The following PLXNB2 variants were observed in gnomAD, a reference collection of about 807,000 sequenced individuals.
The protein encoded by PLXNB2 is plexin-B2.
Under a neutral mutation model 202.6 loss-of-function variants are expected in PLXNB2, and 85 were observed. That is an observed-to-expected ratio of 0.42 (90% CI 0.35 to 0.50). The LOEUF (loss-of-function observed/expected upper bound fraction) is 0.50, where lower values mean the gene tolerates loss of function less well. Ranked by LOEUF, PLXNB2 falls within the 20% of genes least tolerant of loss-of-function variation. The probability of loss-of-function intolerance (pLI) is 0.02; values close to 1 mark genes in which losing one functional copy is unlikely to be tolerated. For synonymous variants in PLXNB2, 1,239 were observed against 1,137.6 expected, an observed-to-expected ratio of 1.09 and a Z score of -1.79; for missense variants, 2,063 against 2,586.2, an observed-to-expected ratio of 0.80 and a Z score of 4.39.
At chr22:50,281,002 T>C (rs1369941722) in intron 23 of PLXNB2, 29 bp from the exon 24 acceptor site, 7 of 1,605,918 alleles carry the variant, frequency 4.4e-6, no homozygotes, top group Non-Finnish European at 6.0e-6. Context: ...GAGACGTCCC[T>C]GGCCACGTGG....
Position 50,290,193 on chromosome 22 carries a change from C to A in PLXNB2, c.392G>T (p.Arg131Leu), listed in dbSNP as rs368491965. The change falls in exon 3 of 37, where the codon CGC becomes CTC. Residue 131 changes from arginine to leucine, a missense_variant. Transcript: ENST00000359337. Reference protein sequence around the residue: ...ALRALSNISLRLFYEDGSGEK... With the variant: ...ALRALSNISLLLFYEDGSGEK... Reference sequence around the variant, plus strand: ...CCCGCTGCCGTCCTCGTAGAACAGGCGGAGGGAGATGTTGCTCAGGGCGCG... The same window carrying A: ...CCCGCTGCCGTCCTCGTAGAACAGGAGGAGGGAGATGTTGCTCAGGGCGCG... 1.1e-5 allele frequency: 17 copies of A among 1,612,602 alleles called. No individual in the cohort carries two copies. The highest frequency in any genetic ancestry group is 1.4e-5 in the Non-Finnish European group (16 of 1,179,996).
chr22:50,294,880 C>T, intron 1 of PLXNB2, 102 bp from the exon 2 acceptor site: 1 of 472,632 alleles, frequency 2.1e-6, no homozygotes, highest in South Asian at 8.7e-5. Context: ...AAGAAACATC[C>T]CACAGGACCC....
At chr22:50,276,292 G>A (rs1276060898) in intron 35 of PLXNB2, among the ~76,000 whole-genome samples, 4 of 149,610 alleles carry the variant, frequency 2.7e-5, no homozygotes, top group Non-Finnish European at 4.5e-5. Flanking sequence ...GCAGGGAGGG[G>A]GCGCTGTGGA....
chr22:50,282,977 G>C (rs931558280), intron 17 of PLXNB2, 73 bp downstream of exon 17: 14 of 1,567,762 alleles, frequency 8.9e-6, no homozygotes, highest in Non-Finnish European at 1.1e-5. Context: ...GGGCCACTCA[G>C]GTCTCAGTAA....
chr22:50,276,037 C>T (rs537976056), intron 35 of PLXNB2, 74 bp from the exon 36 acceptor site: 40 of 1,430,268 alleles, frequency 2.8e-5, no homozygotes, highest in East Asian at 2.3e-4. Flanking sequence ...TAGTACGGGA[C>T]GCCCAGGACG....
Position 50,284,706 on chromosome 22 carries a change from G to C in PLXNB2, c.2089-41C>G. On this transcript the variant is annotated intron_variant, in intron 11 of 36. Coordinates refer to ENST00000359337, the MANE Select transcript of PLXNB2 (RefSeq NM_012401.4). The surrounding 1 kb of genome is among the most constrained non-coding windows in gnomAD (Gnocchi z 8.0). Reference sequence around the variant, plus strand: ...TCAGGACCCTGGACAGGCGGCTGTGGCACCCTGGCCCTCCTCCCAGAACCC... The same window carrying C: ...TCAGGACCCTGGACAGGCGGCTGTGCCACCCTGGCCCTCCTCCCAGAACCC... 1.3e-6 allele frequency: 2 copies of C among 1,504,930 alleles called. No homozygotes were observed. The highest frequency in any genetic ancestry group is 1.8e-6 in the Non-Finnish European group (2 of 1,082,268). The allele number at this position is 1,504,930 out of a possible 1,614,324, so 93.2% of individuals were successfully genotyped here. A position where few individuals can be genotyped will look rare whatever the true frequency, so the allele number is the denominator to read the frequency against.
At chr22:50,300,225 G>A in intron 1 of PLXNB2, 1 of 967,486 alleles carries the variant, frequency 1.0e-6, no homozygotes, top group Middle Eastern at 5.3e-4. Flanking sequence ...CAATGACGGC[G>A]GCGGCGACAG....
chr22:50,296,034 G>A (rs530564141), intron 1 of PLXNB2, among the ~76,000 whole-genome samples: 1 of 152,190 alleles, frequency 6.6e-6, no homozygotes, highest in South Asian at 2.1e-4. Flanking sequence ...CCTGGGAGGT[G>A]GAGGTTGCAG....
In PLXNB2 at chr22:50,289,218, G is replaced by C; in HGVS notation, c.1069-76C>G. The C allele has an allele frequency of 7.6e-7, 1 of 1,312,308 alleles. No homozygotes were observed. Among genetic ancestry groups the C allele is most frequent in the Non-Finnish European group, 1.0e-6 (1 of 977,548 alleles). 81.3% of individuals were successfully genotyped at this position (1,312,308 alleles called of 1,614,324 possible). ...CCTCTCCACTCGCGCTCCAAGACTC[G>C]GGACAGGCCCTTCCCTTCCCTCCGG... On this transcript the variant is annotated intron_variant, in intron 3 of 36. Transcript: ENST00000359337. The surrounding 1 kb of genome is among the most constrained non-coding windows in gnomAD (Gnocchi z 8.0).
intron 18 of PLXNB2, 114 bp from the exon 19 acceptor site, chr22:50,282,427 G>T: frequency 8.8e-7 from 1 of 1,131,486 alleles, no homozygotes; most frequent in Non-Finnish European, 1.2e-6. Flanking sequence ...AGGTGCATGT[G>T]TGGGTCTCGG....
chr22:50,275,738 G>T lies in PLXNB2; in HGVS notation c.5483C>A (p.Ala1828Asp). Residue 1828 changes from alanine (A) to aspartate (D), a missense_variant, in exon 37 of 37, where the codon GCC becomes GAC. By Grantham distance (126) the Ala-to-Asp change is moderately radical. Transcript: ENST00000359337. ...MQLAFRLQQIAAALENKVTDL is the reference protein window; with the variant it reads ...MQLAFRLQQIDAALENKVTDL ...AGTGACCTTGTTCTCCAGTGCAGCG[G>T]CAATCTGCTGCAGGCGGAAGGCCAG... 2 of 1,611,450 alleles carry T rather than the reference G, an allele frequency of 1.2e-6. No individual in the cohort carries two copies. The highest frequency in any genetic ancestry group is 1.7e-6 in the Non-Finnish European group (2 of 1,179,122).
intron 2 of PLXNB2, among the ~76,000 whole-genome samples, chr22:50,294,416 A>C (rs962774091): frequency 3.4e-5 from 5 of 147,084 alleles, no homozygotes; most frequent in African/African-American, 1.3e-4. Context: ...TCCAATTCCC[A>C]GCCCTGATGT....
At position 50,285,899 on chromosome 22, in the gene PLXNB2, C is replaced by T. The variant is rs1454319136; in HGVS notation, c.1989G>A (p.Glu663=). ...PEDGIVRAHM[E]DSCPQFLGPS... ...GTCCCAGGAACTGGGGACAGCTGTC[C>T]TCCTGGGAGAGTAAGGCTGGTCAGG... is the stretch of plus-strand genomic sequence containing the variant. Residue 663 remains glutamate, a splice_region_variant and synonymous_variant, in exon 11 of 37, where the codon GAG becomes GAA. Coordinates refer to ENST00000359337, the MANE Select transcript of PLXNB2 (RefSeq NM_012401.4). 6.2e-7 allele frequency: 1 copy of T among 1,612,082 alleles called. No homozygotes were observed. Among genetic ancestry groups the T allele is most frequent in the Non-Finnish European group, 8.5e-7 (1 of 1,179,310 alleles).
chr22:50,278,723 G>C lies in PLXNB2; in HGVS notation c.4547-27C>G, dbSNP rs1180692482. ...TGTGGGAAGAGACAGCCCAGCTTGGGCCCCAGCCACCCAGGTTCCTCCCAC... is the reference window on the plus strand; with the variant it reads ...TGTGGGAAGAGACAGCCCAGCTTGGCCCCCAGCCACCCAGGTTCCTCCCAC... On this transcript the variant is annotated intron_variant, in intron 28 of 36. Coordinates refer to ENST00000359337, the MANE Select transcript of PLXNB2 (RefSeq NM_012401.4). The C allele has an allele frequency of 1.9e-6, 3 of 1,596,934 alleles. No individual in the cohort carries two copies. The African/African-American group carries it at 4.0e-5, about 21-fold the overall frequency.
Position 50,290,269 on chromosome 22 carries a change from T to C in PLXNB2, c.316A>G (p.Arg106Gly). The C allele has an allele frequency of 1.2e-6, 2 of 1,611,820 alleles. No homozygotes were observed. Among genetic ancestry groups the C allele is most frequent in the Non-Finnish European group, 8.5e-7 (1 of 1,180,024 alleles). Residue 106 changes from arginine to glycine, a missense_variant, in exon 3 of 37, where the codon AGG (arginine) becomes GGG (glycine). Around this residue, in one of 2 missense-constraint regions of PLXNB2, gnomAD observed 1,303 missense variants for 1,476.8 expected, o/e 0.88. Coordinates refer to ENST00000359337, the MANE Select transcript of PLXNB2 (RefSeq NM_012401.4). ...VNQLLLLDPP[R>G]KRLVECGSLF... ...CTGCCGCACTCCACCAGGCGCTTCC[T>C]GGGAGGGTCGAGCAGCAGCAGCTGG...
chr22:50,284,946 G>A lies in PLXNB2; in HGVS notation c.2089-281C>T. Reference sequence around the variant, plus strand: ...CATCGCCCGGCCCACCTGACATCGTGGCCCCCACAGCTCCCTCCTCAGGAG... The same window carrying A: ...CATCGCCCGGCCCACCTGACATCGTAGCCCCCACAGCTCCCTCCTCAGGAG... On this transcript the variant is annotated intron_variant, in intron 11 of 36. Transcript: ENST00000359337. This position sits in a 1 kb window ranked among gnomAD's most constrained non-coding sequence, Gnocchi z 8.0. 1.8e-6 allele frequency: 1 copy of A among 561,730 alleles called. No individual in the cohort carries two copies. The highest frequency in any genetic ancestry group is 1.6e-5 in the South Asian group (1 of 63,190). The allele number at this position is 561,730 out of a possible 1,614,324, so 34.8% of individuals were successfully genotyped here. A position where few individuals can be genotyped will look rare whatever the true frequency, so the allele number is the denominator to read the frequency against.
intron 15 of PLXNB2, 68 bp downstream of exon 15, chr22:50,283,534 A>G: frequency 7.9e-6 from 5 of 632,846 alleles, no homozygotes; most frequent in Non-Finnish European, 1.1e-5. Context: ...CCACCCACCC[A>G]GTCACCCGGA....
In PLXNB2 at chr22:50,291,407, C is replaced by T. The variant is rs540718649; in HGVS notation, c.-13-810G>A. 1.5e-4 allele frequency among the ~76,000 whole-genome samples: 23 copies of T among 152,016 alleles called. No homozygotes were observed. The highest frequency in any genetic ancestry group is 5.1e-4 in the African/African-American group (21 of 41,432). On this transcript the variant is annotated intron_variant, in intron 2 of 36. Coordinates refer to ENST00000359337, the MANE Select transcript of PLXNB2 (RefSeq NM_012401.4). This position sits in a 1 kb window ranked among gnomAD's most constrained non-coding sequence, Gnocchi z 4.3. ...AGCCTGGACAGGCTGTGTCCACATG[C>T]GTGTGTGTAACTGAGCACGTCTCGG...
rs765508447 is a variant in PLXNB2, at chr22:50,289,774, T to A, written c.811A>T (p.Ile271Phe). Residue 271 changes from isoleucine to phenylalanine, a missense_variant, in exon 3 of 37, where the codon ATC (isoleucine) becomes TTC (phenylalanine). Coordinates refer to ENST00000359337, the MANE Select transcript of PLXNB2 (RefSeq NM_012401.4). The surrounding 1 kb of genome is among the most constrained non-coding windows in gnomAD (Gnocchi z 8.0). Reference protein sequence around the residue: ...EMDLQCRDPDIHAAAFGTCLA... With the variant: ...EMDLQCRDPDFHAAAFGTCLA... ...CAGGTGCCAAAGGCAGCGGCGTGGA[T>A]GTCGGGGTCCCGGCACTGCAGGTCC... The A allele has an allele frequency of 1.2e-6, 2 of 1,612,876 alleles. No individual in the cohort carries two copies. Among genetic ancestry groups the A allele is most frequent in the African/African-American group, 2.7e-5 (2 of 74,954 alleles).
Sources: allele counts gnomAD v4.1 joint callset (sites outside exome capture counted in the v4.1 genomes callset), GRCh38; gene constraint gnomAD v4.1.1; regional missense constraint gnomAD v4.1.1; non-coding constraint Gnocchi (gnomAD v3.1); transcripts MANE v1.5; gene names NCBI Gene and HGNC (gene_info 2026-07-23, HGNC 2026-07-21).